Variants in MDN1 observed in about 807,000 individuals in gnomAD.
MDN1 encodes the protein midasin.
A neutral mutation model predicts 669.2 loss-of-function variants in MDN1; 266 were observed. The observed-to-expected ratio is 0.40, with a 90% CI of 0.36 to 0.44. The LOEUF is 0.44. Among genes scored for constraint, MDN1 ranks in the 20% least tolerant of loss-of-function variants. The pLI is 1.00. For synonymous variants in MDN1, 2,385 were observed against 2,457.1 expected, an observed-to-expected ratio of 0.97 and a Z score of 0.87; for missense variants, 5,940 against 6,754.0, an observed-to-expected ratio of 0.88 and a Z score of 4.22.
chr6:89,648,989 T>TAAAAAAAAAA (rs35332439), intron 97 of MDN1, among the ~76,000 whole-genome samples: 1 of 135,020 alleles, frequency 7.4e-6, no homozygotes. Context: ...ACCCTGTCTT[T>TAAAAAAAAAA]AAAAAAAAAA....
chr6:89,669,734 G>C (rs1584135927), intron 83 of MDN1, among the ~76,000 whole-genome samples: 1 of 152,066 alleles, frequency 6.6e-6, no homozygotes, highest in Non-Finnish European at 1.5e-5. Context: ...GCTTGGTGAG[G>C]TTAAGAGAGA....
chr6:89,684,844 C>T, intron 71 of MDN1, 32 bp downstream of exon 71: 1 of 1,407,080 alleles, frequency 7.1e-7, no homozygotes, highest in East Asian at 2.3e-5. Flanking sequence ...TTTTGTCCTC[C>T]CAAGAGTGAT....
At chr6:89,783,663 A>T (rs549676162) in intron 9 of MDN1, among the ~76,000 whole-genome samples, 3 of 152,184 alleles carry the variant, frequency 2.0e-5, no homozygotes, top group South Asian at 4.1e-4. Context: ...TCCCCTTTTG[A>T]AACCCTTAAA....
chr6:89,655,706 G>A lies in MDN1; in HGVS notation c.15490+58C>T, dbSNP rs763445199. On this transcript the variant is annotated intron_variant, in intron 92 of 101. Coordinates refer to ENST00000369393, the MANE Select transcript of MDN1 (RefSeq NM_014611.3). ...ACGTATCATTATTATAGGTCACATA[G>A]CACAAGCTCTCATAGAGAGCTCAGT... 9.7e-6 allele frequency: 14 copies of A among 1,437,340 alleles called. No individual in the cohort carries two copies. The Middle Eastern group carries it at 6.8e-4, about 70-fold the overall frequency. 89.0% of individuals were successfully genotyped at this position (1,437,340 alleles called of 1,614,324 possible).
In MDN1 at chr6:89,747,375, C is replaced by T. The variant is rs778972369; in HGVS notation, c.3858G>A (p.Glu1286=). The change falls in exon 27 of 102, where the codon GAG becomes GAA. Residue 1286 remains glutamate (E), a synonymous_variant. Transcript: ENST00000369393. ...FRWAERYRLA[E]PTEKEYDWLQ... ...GCCAGTCATACTCCTTCTCGGTCGG[C>T]TCAGCCAATCTGTATCTTTCAGCCC... The T allele has an allele frequency of 1.2e-5, 20 of 1,614,030 alleles. No homozygotes were observed. The African/African-American group carries it at 2.4e-4, about 19-fold the overall frequency.
In MDN1 at chr6:89,743,236, A is replaced by G; in HGVS notation, c.4362T>C (p.Pro1454=). The change falls in exon 31 of 102, where the codon CCT becomes CCC. Residue 1454 remains proline, a synonymous_variant. Transcript: ENST00000369393. ...CGTCCTCCTTCATGGCCTGAACCAGAGGCCCATCATGCCACTCAAAGAGTC... is the reference window on the plus strand; with the variant it reads ...CGTCCTCCTTCATGGCCTGAACCAGGGGCCCATCATGCCACTCAAAGAGTC... ...TSRLFEWHDG[P]LVQAMKEDGF... 6.2e-7 allele frequency: 1 copy of G among 1,614,206 alleles called. No homozygotes were observed. Among genetic ancestry groups the G allele is most frequent in the Middle Eastern group, 1.6e-4 (1 of 6,062 alleles).
In MDN1 at chr6:89,738,365, G is replaced by A; in HGVS notation, c.4684C>T (p.Leu1562Phe). 1 of 1,614,028 alleles carries A rather than the reference G, an allele frequency of 6.2e-7. No individual in the cohort carries two copies. ...CTGCCCAGACACAATCCTGGACGAAGATTATGACTGATGATCTGAATTAAA... is the reference window on the plus strand; with the variant it reads ...CTGCCCAGACACAATCCTGGACGAAAATTATGACTGATGATCTGAATTAAA... Reference protein sequence around the residue: ...EDLIQIISHNLRPGLCLGRID... With the variant: ...EDLIQIISHNFRPGLCLGRID... Residue 1562 changes from leucine to phenylalanine, a missense_variant, in exon 33 of 102, where the codon CTT becomes TTT. This residue lies in a region of MDN1 where 2,292 missense variants were observed against 2,638.3 expected (regional missense o/e 0.87). Transcript: ENST00000369393.
chr6:89,750,649 C>G lies in MDN1; in HGVS notation c.3228-117G>C, dbSNP rs936245762. 2.9e-6 allele frequency: 3 copies of G among 1,024,450 alleles called. No homozygotes were observed. In the African/African-American group the frequency reaches 4.8e-5, roughly 16 times the overall value. 63.5% of individuals were successfully genotyped at this position (1,024,450 alleles called of 1,614,324 possible). On this transcript the variant is annotated intron_variant, in intron 23 of 101. Transcript: ENST00000369393. ...AAAGGGTTTCACTCTGTTGCCCAGGCTGAAGTATGGTGGTGCAATCATAGC... is the reference window on the plus strand; with the variant it reads ...AAAGGGTTTCACTCTGTTGCCCAGGGTGAAGTATGGTGGTGCAATCATAGC...
chr6:89,673,558 A>G, intron 79 of MDN1, 96 bp from the exon 80 acceptor site: 1 of 1,083,252 alleles, frequency 9.2e-7, no homozygotes, highest in African/African-American at 1.6e-5. Context: ...GCAAGGTAGA[A>G]CTCATCATAG....
At chr6:89,773,573 TACAC>T (rs1481239282) in intron 13 of MDN1, among the ~76,000 whole-genome samples, 1 of 138,062 alleles carries the variant, frequency 7.2e-6, no homozygotes, top group Non-Finnish European at 1.6e-5. Flanking sequence ...AGAAAAGAAA[TACAC>T]ACACAAGGAA....
chr6:89,744,059 C>T (rs1448145158), intron 29 of MDN1, among the ~76,000 whole-genome samples: 1 of 146,126 alleles, frequency 6.8e-6, no homozygotes, highest in African/African-American at 2.5e-5. Context: ...GCCGAGATCA[C>T]GCCATTGCAG....
chr6:89,818,320 CAAAAAAAAA>C (rs60891640), intron 1 of MDN1, among the ~76,000 whole-genome samples: 6 of 67,838 alleles, frequency 8.8e-5, no homozygotes, highest in East Asian at 5.3e-4. Context: ...GCCTCCGTCT[CAAAAAAAAA>C]AAAAAAAAAA....
In MDN1 at chr6:89,716,654, A is replaced by G; in HGVS notation, c.6739T>C (p.Cys2247Arg). 6.2e-7 allele frequency: 1 copy of G among 1,609,370 alleles called. No homozygotes were observed. The highest frequency in any genetic ancestry group is 8.5e-7 in the Non-Finnish European group (1 of 1,178,606). ...GATTAGGCATAAGGTTCTTACTTGC[A>G]GAAGTTAACATTGTCCATCAGAAGC... ...DWLLMDNVNF[C>R]NPSVLDRLNA... Residue 2247 changes from cysteine to arginine, a missense_variant, in exon 44 of 102, where the codon TGC becomes CGC. Coordinates refer to ENST00000369393, the MANE Select transcript of MDN1 (RefSeq NM_014611.3).
chr6:89,798,793 A>G (rs1449214968), intron 2 of MDN1, among the ~76,000 whole-genome samples: 2 of 152,198 alleles, frequency 1.3e-5, no homozygotes, highest in African/African-American at 4.8e-5. Flanking sequence ...TGATGTGTGC[A>G]AGAGAAAAGA....
Position 89,673,432 on chromosome 6 carries a change from C to T in MDN1, c.13278G>A (p.Leu4426=), listed in dbSNP as rs1449508841. 1 of 1,614,074 alleles carries T rather than the reference C, an allele frequency of 6.2e-7. No homozygotes were observed. The highest frequency in any genetic ancestry group is 1.3e-5 in the African/African-American group (1 of 74,926). The change falls in exon 80 of 102, where the codon CTG becomes CTA. Residue 4426 remains leucine (L), a synonymous_variant. Transcript: ENST00000369393. ...GAACTGACACCTGGGACAAGCAACTCAGCGCAGAAGAGCAAACTTCAAAAT... is the reference window on the plus strand; with the variant it reads ...GAACTGACACCTGGGACAAGCAACTTAGCGCAGAAGAGCAAACTTCAAAAT... ...WKDFEVCSSA[L]SCLSQVSVHL...
At chr6:89,794,338 A>T in intron 3 of MDN1, 131 bp from the exon 4 acceptor site, 1 of 671,988 alleles carries the variant, frequency 1.5e-6, no homozygotes, top group Non-Finnish European at 2.5e-6. Flanking sequence ...AACAGAAAAT[A>T]CAAATCAGGC....
At chr6:89,677,722 A>G (rs773924075) in intron 75 of MDN1, 26 bp from the exon 76 acceptor site, 3 of 1,613,448 alleles carry the variant, frequency 1.9e-6, no homozygotes, top group Non-Finnish European at 2.5e-6. Flanking sequence ...CATTTCTTTA[A>G]GCAAAGATGC....
intron 77 of MDN1, 78 bp from the exon 78 acceptor site, chr6:89,675,657 C>T: frequency 8.2e-7 from 1 of 1,222,142 alleles, no homozygotes; most frequent in Non-Finnish European, 1.2e-6. Flanking sequence ...AAAGCTGTTT[C>T]TACTATAAGC....
At chr6:89,759,416 ATC>A (rs1817419524) in intron 17 of MDN1, among the ~76,000 whole-genome samples, 1 of 152,222 alleles carries the variant, frequency 6.6e-6, no homozygotes. Context: ...CACTGGTGTT[ATC>A]TCTTCAAATT....
Sources: allele counts gnomAD v4.1 joint callset (sites outside exome capture counted in the v4.1 genomes callset), GRCh38; gene constraint gnomAD v4.1.1; regional missense constraint gnomAD v4.1.1; transcripts MANE v1.5; gene names NCBI Gene and HGNC (gene_info 2026-07-23, HGNC 2026-07-21).